Variants in EMCN observed in about 807,000 individuals in gnomAD.
The protein encoded by EMCN is MUC-14.
In EMCN, 37 loss-of-function variants were observed where a neutral mutation model predicts 38.4. The observed-to-expected ratio is 0.96, with a 90% CI of 0.74 to 1.27. The LOEUF is 1.27. EMCN is among the 50% of genes most tolerant of loss of function. EMCN has a pLI of 0.00. For synonymous variants in EMCN, 95 were observed against 100.8 expected (o/e 0.94, Z 0.35); for missense variants, 318 against 302.8 (o/e 1.05, Z -0.37).
chr4:100,498,771 T>G (rs757898329), intron 1 of EMCN, among the ~76,000 whole-genome samples: 24 of 152,310 alleles, frequency 1.6e-4, no homozygotes, highest in Non-Finnish European at 3.4e-4. Flanking sequence ...ACTCTACATT[T>G]AAACATTTAA....
chr4:100,445,366 A>C (rs1234318909), intron 5 of EMCN, among the ~76,000 whole-genome samples: 1 of 152,210 alleles, frequency 6.6e-6, no homozygotes, highest in East Asian at 1.9e-4. Context: ...AAGGTTCTAC[A>C]TAAAATCATC....
At chr4:100,460,183 T>C (rs1040737653) in intron 4 of EMCN, among the ~76,000 whole-genome samples, 10 of 152,202 alleles carry the variant, frequency 6.6e-5, no homozygotes, top group Admixed American at 1.3e-4. Flanking sequence ...TTAGTAATGT[T>C]GGGAATATTT....
At chr4:100,506,555 A>T (rs1729484874) in intron 1 of EMCN, among the ~76,000 whole-genome samples, 1 of 151,986 alleles carries the variant, frequency 6.6e-6, no homozygotes, top group African/African-American at 2.4e-5. Flanking sequence ...TCATGAGGGG[A>T]TATGAAGTCC....
chr4:100,495,898 A>T (rs1283715087), intron 1 of EMCN, among the ~76,000 whole-genome samples: 3 of 152,140 alleles, frequency 2.0e-5, no homozygotes, highest in Non-Finnish European at 2.9e-5. Context: ...TATTAGGATT[A>T]TTCTATCATT....
At chr4:100,517,456 C>T (rs947454639) in intron 1 of EMCN, among the ~76,000 whole-genome samples, 4 of 152,066 alleles carry the variant, frequency 2.6e-5, no homozygotes, top group South Asian at 2.1e-4. Context: ...AATATAATGT[C>T]TCCGATTACA....
intron 1 of EMCN, among the ~76,000 whole-genome samples, chr4:100,508,700 A>G (rs561868761): frequency 1.0e-3 from 153 of 152,298 alleles, no homozygotes; most frequent in Admixed American, 1.2e-3. Context: ...GACTAATCTG[A>G]TCTAAATGGT....
intron 1 of EMCN, among the ~76,000 whole-genome samples, chr4:100,490,919 A>G (rs1195530123): frequency 6.6e-6 from 1 of 152,202 alleles, no homozygotes. Context: ...AAGATTAACG[A>G]CATTGAGCAT....
chr4:100,415,327 A>T (rs547129315), intron 10 of EMCN, among the ~76,000 whole-genome samples: 4 of 152,280 alleles, frequency 2.6e-5, no homozygotes, highest in African/African-American at 9.6e-5. Flanking sequence ...CTAGCACCAC[A>T]TTTTTTCATT....
chr4:100,403,252 C>T (rs1726307109), intron 11 of EMCN, among the ~76,000 whole-genome samples: 2 of 152,016 alleles, frequency 1.3e-5, no homozygotes, highest in Admixed American at 6.6e-5. Flanking sequence ...CCGCTTTGTG[C>T]CTTTAGTGCT....
chr4:100,511,402 A>G (rs1729621530), intron 1 of EMCN, among the ~76,000 whole-genome samples: 3 of 152,156 alleles, frequency 2.0e-5, no homozygotes, highest in South Asian at 4.1e-4. Context: ...TGTGATCTCC[A>G]TTCTCTAGTC....
chr4:100,447,545 T>C lies in EMCN; in HGVS notation c.403A>G (p.Thr135Ala). 6.2e-7 allele frequency: 1 copy of C among 1,603,386 alleles called. No homozygotes were observed. The highest frequency in any genetic ancestry group is 8.5e-7 in the Non-Finnish European group (1 of 1,171,464). The change falls in exon 5 of 12, where the codon ACA (threonine) becomes GCA (alanine). Residue 135 changes from threonine to alanine, a missense_variant. Thr to Ala is a moderately conservative substitution (Grantham distance 58). Transcript: ENST00000296420. ...KTETQSSIKT[T>A]EIPGSVLQPD... Reference sequence around the variant, plus strand: ...AAAAAGAGCTTACCTGGTATTTCTGTTGTTTTAATTGAACTCTGAGTTTCA... The same window carrying C: ...AAAAAGAGCTTACCTGGTATTTCTGCTGTTTTAATTGAACTCTGAGTTTCA...
intron 11 of EMCN, among the ~76,000 whole-genome samples, chr4:100,403,450 GGC>G (rs1351505350): frequency 1.9e-5 from 2 of 106,722 alleles, no homozygotes; most frequent in Admixed American, 2.8e-4. Flanking sequence ...ACCACTGATG[GGC>G]ATCTAGGTTG....
chr4:100,479,803 A>G (rs1728757780), intron 2 of EMCN, 114 bp downstream of exon 2: 11 of 870,894 alleles, frequency 1.3e-5, no homozygotes, highest in Non-Finnish European at 1.8e-5. Flanking sequence ...AATAGCACTG[A>G]CCTTTATAAC....
At chr4:100,402,702 A>T (rs1726289281) in intron 11 of EMCN, among the ~76,000 whole-genome samples, 1 of 152,182 alleles carries the variant, frequency 6.6e-6, no homozygotes, top group Non-Finnish European at 1.5e-5. Context: ...TGAGGCTAGG[A>T]ATATTTTTTA....
chr4:100,504,695 G>C (rs1729434613), intron 1 of EMCN, among the ~76,000 whole-genome samples: 1 of 152,224 alleles, frequency 6.6e-6, no homozygotes, highest in Admixed American at 6.5e-5. Flanking sequence ...CAGCGTCTGG[G>C]AAGACGCCTT....
intron 1 of EMCN, among the ~76,000 whole-genome samples, chr4:100,499,435 A>G (rs1729292754): frequency 6.6e-6 from 1 of 152,250 alleles, no homozygotes; most frequent in African/African-American, 2.4e-5. Flanking sequence ...GGCTTTGCTC[A>G]TAAGTGCTTT....
At chr4:100,479,413 GGTAAA>G (rs566407711) in intron 2 of EMCN, among the ~76,000 whole-genome samples, 34 of 151,922 alleles carry the variant, frequency 2.2e-4, no homozygotes, top group African/African-American at 8.0e-4. Context: ...TTTTGTGGAT[GGTAAA>G]GTAATCTCCT....
rs1726757776 is a variant in EMCN, at chr4:100,417,108, C to T, written c.689+9G>A. 4 of 1,613,414 alleles carry T rather than the reference C, an allele frequency of 2.5e-6. No individual in the cohort carries two copies. The highest frequency in any genetic ancestry group is 3.4e-6 in the Non-Finnish European group (4 of 1,179,484). ...GGGTCTAAACAAAAGATGATATGGG[C>T]TTACTTACTGATCATTTCCATTTTC... is the stretch of plus-strand genomic sequence containing the variant. On this transcript the variant is annotated intron_variant, in intron 9 of 11. Transcript: ENST00000296420.
chr4:100,426,885 G>C (rs556417200), intron 5 of EMCN, among the ~76,000 whole-genome samples: 1 of 152,208 alleles, frequency 6.6e-6, no homozygotes, highest in African/African-American at 2.4e-5. Context: ...TGAGTGTGTG[G>C]TGATTTTGAG....
Sources: gnomAD v4.1 joint callset for allele counts (sites outside exome capture counted in the v4.1 genomes callset) on GRCh38, gnomAD v4.1.1 for gene constraint, MANE v1.5 for transcripts, NCBI Gene and HGNC (gene_info 2026-07-23, HGNC 2026-07-21) for gene names.